Variants in SETD5 observed in about 807,000 individuals in gnomAD.
SETD5 encodes the protein histone-lysine N-methyltransferase SETD5.
A neutral mutation model predicts 153.3 loss-of-function variants in SETD5; 44 were observed. That is an observed-to-expected ratio of 0.29 (90% confidence interval 0.23 to 0.37). The LOEUF (loss-of-function observed/expected upper bound fraction) is 0.37, where lower values mean the gene tolerates loss of function less well. Ranked by LOEUF, SETD5 falls within the 10% of genes least tolerant of loss-of-function variation. SETD5 has a pLI of 1.00. For synonymous variants in SETD5, 716 were observed against 645.2 expected, an observed-to-expected ratio of 1.11 and a Z score of -1.66; for missense variants, 1,544 against 1,768.0, an observed-to-expected ratio of 0.87 and a Z score of 2.27.
At chr3:9,413,799 ACGGAGT>A (rs1261943455) in intron 1 of SETD5, among the ~76,000 whole-genome samples, 1 of 151,740 alleles carries the variant, frequency 6.6e-6, no homozygotes, top group Non-Finnish European at 1.5e-5. Context: ...TGTTTTTGAG[ACGGAGT>A]CTGGCTCTGT....
Position 9,470,712 on chromosome 3 carries a change from T to C in SETD5, c.2978T>C (p.Met993Thr), listed in dbSNP as rs1293866055. The C allele has an allele frequency of 6.2e-7, 1 of 1,613,910 alleles. No individual in the cohort carries two copies. Among genetic ancestry groups the C allele is most frequent in the Non-Finnish European group, 8.5e-7 (1 of 1,179,900 alleles). ...LMYAYSPLNA[M>T]PRADGLYRGS... is the part of the protein sequence containing the mutation. ...TATGCCTACTCCCCTTTGAATGCTA[T>C]GCCTCGAGCAGATGGACTGTATCGA... is the stretch of plus-strand genomic sequence containing the variant. The change falls in exon 19 of 23, where the codon ATG becomes ACG. Residue 993 changes from methionine (M) to threonine (T), a missense_variant. Met to Thr is a moderately conservative substitution (Grantham distance 81). Transcript: ENST00000402198.
intron 21 of SETD5, 46 bp from the exon 22 acceptor site, chr3:9,475,022 T>C (rs1312231107): frequency 3.3e-6 from 5 of 1,511,764 alleles, no homozygotes; most frequent in East Asian, 2.5e-5. Context: ...TTCTTACTTA[T>C]TCTAAGAAGC....
rs187959845 is a variant in SETD5 at position 9,454,564 on chromosome 3, G to C, written c.2476+696G>C. Among the ~76,000 whole-genome samples the C allele has an allele frequency of 1.6e-3, 202 of 124,020 alleles. 5 individuals carry two copies. In the East Asian group the frequency reaches 0.034, roughly 21 times the overall value. The allele number at this position is 124,020 out of a possible 152,430, so 81.4% of individuals were successfully genotyped here. A position where few individuals can be genotyped will look rare whatever the true frequency, so the allele number is the denominator to read the frequency against. ...TTGAACCCGGGAGGTGGAGGTTACA[G>C]TGAGCCAAGATCACGCCACTGCACT... is the stretch of plus-strand genomic sequence containing the variant. On this transcript the variant is annotated intron_variant, in intron 17 of 22. Coordinates refer to ENST00000402198, the MANE Select transcript of SETD5 (RefSeq NM_001080517.3).
intron 18 of SETD5, among the ~76,000 whole-genome samples, chr3:9,469,483 T>A (rs752456208): frequency 3.9e-5 from 6 of 152,234 alleles, no homozygotes; most frequent in Admixed American, 2.0e-4. Context: ...TACTAAGTTC[T>A]GAATCAGTAG....
At chr3:9,457,884 G>A (rs1328658895) in intron 17 of SETD5, among the ~76,000 whole-genome samples, 2 of 149,356 alleles carry the variant, frequency 1.3e-5, no homozygotes, top group Non-Finnish European at 3.0e-5. Flanking sequence ...CCTTGTTTTT[G>A]GAATTTGATT....
chr3:9,471,131 G>A (rs1348906104), intron 19 of SETD5, among the ~76,000 whole-genome samples: 2 of 152,200 alleles, frequency 1.3e-5, no homozygotes, highest in Non-Finnish European at 2.9e-5. Context: ...ATGCCTGTAT[G>A]TGCCATATAC....
Position 9,397,678 on chromosome 3 carries a change from C to CGCCGCCGCCGCT in SETD5, c.-468_-467insCGCTGCCGCCGC, listed in dbSNP as rs1553601495. 5.5e-6 allele frequency: 1 copy of CGCCGCCGCCGCT among 180,380 alleles called. No individual in the cohort carries two copies. The highest frequency in any genetic ancestry group is 1.1e-5 in the Non-Finnish European group (1 of 91,450). 11.2% of individuals were successfully genotyped at this position (180,380 alleles called of 1,614,324 possible). A position where few individuals can be genotyped will look rare whatever the true frequency, so the allele number is the denominator to read the frequency against. The stretch of plus-strand genomic sequence containing the variant: ...CCGCCGCCGCCGCCGCCGCCGCCGC[C>CGCCGCCGCCGCT]GCCGCCGCTGCCGGGGGAGGGGCGG... On this transcript the variant is annotated 5_prime_UTR_variant, in exon 1 of 23. Coordinates refer to ENST00000402198, the MANE Select transcript of SETD5 (RefSeq NM_001080517.3).
In SETD5 at chr3:9,429,008, G is replaced by C; in HGVS notation, c.70G>C (p.Asp24His). The C allele has an allele frequency of 6.2e-7, 1 of 1,611,612 alleles. No homozygotes were observed. Among genetic ancestry groups the C allele is most frequent in the Non-Finnish European group, 8.5e-7 (1 of 1,178,390 alleles). The part of the protein sequence containing the change: ...TSYSDMAAGS[D>H]PESVEASPAV... ...CTACTCAGATATGGCTGCTGGATCA[G>C]AGTAAGTGCTACTTTCTAGGTAGTA... Residue 24 changes from aspartate (D) to histidine (H), a missense_variant and splice_region_variant, in exon 3 of 23, where the codon GAC becomes CAC. Coordinates refer to ENST00000402198, the MANE Select transcript of SETD5 (RefSeq NM_001080517.3).
intron 18 of SETD5, chr3:9,468,722 G>A: frequency 1.9e-6 from 1 of 521,460 alleles, no homozygotes; most frequent in Non-Finnish European, 3.3e-6. Context: ...AGTTGAATGA[G>A]TCTTCCTGTG....
At chr3:9,416,863 A>G (rs774446004) in intron 1 of SETD5, among the ~76,000 whole-genome samples, 1 of 152,090 alleles carries the variant, frequency 6.6e-6, no homozygotes, top group African/African-American at 2.4e-5. Context: ...CCATGAATTG[A>G]TTGTTGATTA....
intron 17 of SETD5, among the ~76,000 whole-genome samples, chr3:9,455,152 C>G (rs2043072977): frequency 7.5e-6 from 1 of 133,010 alleles, no homozygotes; most frequent in Non-Finnish European, 1.6e-5. Flanking sequence ...CGTGAATTGC[C>G]TTTTTTTCTT....
At chr3:9,405,042 G>A (rs1332624323) in intron 1 of SETD5, among the ~76,000 whole-genome samples, 3 of 152,174 alleles carry the variant, frequency 2.0e-5, no homozygotes, top group Admixed American at 2.0e-4. Flanking sequence ...TATTATGCTA[G>A]GTTGTGGGCT....
Position 9,473,530 on chromosome 3 carries a change from A to C in SETD5, c.3490A>C (p.Ser1164Arg). 4 of 1,610,528 alleles carry C rather than the reference A, an allele frequency of 2.5e-6. No individual in the cohort carries two copies. Among genetic ancestry groups the C allele is most frequent in the Non-Finnish European group, 3.4e-6 (4 of 1,178,034 alleles). Residue 1164 changes from serine (S) to arginine (R), a missense_variant, in exon 20 of 23, where the codon AGT (serine) becomes CGT (arginine). By Grantham distance (110) the Ser-to-Arg change is moderately radical. Coordinates refer to ENST00000402198, the MANE Select transcript of SETD5 (RefSeq NM_001080517.3). Reference sequence around the variant, plus strand: ...CTGCAGACCTCAAGAGAATATCAGCAGTAGGTGGTAAGTTTATATTTGATG... The same window carrying C: ...CTGCAGACCTCAAGAGAATATCAGCCGTAGGTGGTAAGTTTATATTTGATG... The part of the protein sequence containing the change: ...SHCRPQENIS[S>R]RWMVPTSVER...
Position 9,428,828 on chromosome 3 carries a change from C to T in SETD5, c.-111C>T, listed in dbSNP as rs1326272882. The stretch of plus-strand genomic sequence containing the variant: ...ATTTTCCTTTTCTGTTACAGGATTC[C>T]TCATGTCCATAACATGTTGGATGAG... On this transcript the variant is annotated 5_prime_UTR_variant, in exon 3 of 23. Transcript: ENST00000402198. The T allele has an allele frequency of 8.9e-6, 5 of 560,254 alleles. No individual in the cohort carries two copies. The highest frequency in any genetic ancestry group is 1.6e-5 in the Non-Finnish European group (5 of 317,672). The allele number at this position is 560,254 out of a possible 1,614,324, so 34.7% of individuals were successfully genotyped here.
intron 13 of SETD5, among the ~76,000 whole-genome samples, chr3:9,445,965 GTTTTTTTTTTT>G (rs376821559): frequency 1.2e-5 from 1 of 86,476 alleles, no homozygotes; most frequent in Non-Finnish European, 2.3e-5. Context: ...TGAAGAGGTT[GTTTTTTTTTTT>G]TTTTTTTTTT....
intron 17 of SETD5, 129 bp downstream of exon 17, chr3:9,453,997 C>A: frequency 1.8e-6 from 2 of 1,102,176 alleles, no homozygotes; most frequent in Non-Finnish European, 1.2e-6. Context: ...TTACATCTGT[C>A]TTTACAGAGG....
At chr3:9,437,418 T>C (rs758882342) in intron 7 of SETD5, among the ~76,000 whole-genome samples, 1 of 152,138 alleles carries the variant, frequency 6.6e-6, no homozygotes, top group Non-Finnish European at 1.5e-5. Context: ...ACTTGGAGAA[T>C]AGAGCAAGTA....
At position 9,433,951 on chromosome 3, in the gene SETD5, G is replaced by T; in HGVS notation, c.177+1G>T. Reference sequence around the variant, plus strand: ...TGGGTGTCGAGGACTGCCTTATGCTGTGAGTATGCATTTGTTTCTCTCCAG... The same window carrying T: ...TGGGTGTCGAGGACTGCCTTATGCTTTGAGTATGCATTTGTTTCTCTCCAG... On this transcript the variant is annotated splice_donor_variant, in intron 4 of 22. Transcript: ENST00000402198. LOFTEE classifies it high-confidence loss of function. The T allele has an allele frequency of 6.2e-7, 1 of 1,613,792 alleles. No individual in the cohort carries two copies. The highest frequency in any genetic ancestry group is 8.5e-7 in the Non-Finnish European group (1 of 1,179,728).
intron 20 of SETD5, among the ~76,000 whole-genome samples, 177 bp downstream of exon 20, chr3:9,473,714 C>A (rs2045573505): frequency 1.3e-5 from 2 of 152,144 alleles, no homozygotes; most frequent in Admixed American, 1.3e-4. Context: ...CTGCAACCCC[C>A]CAGCTTTGCA....
Sources: gnomAD v4.1 joint callset for allele counts (sites outside exome capture counted in the v4.1 genomes callset) on GRCh38, gnomAD v4.1.1 for gene constraint, MANE v1.5 for transcripts, NCBI Gene and HGNC (gene_info 2026-07-23, HGNC 2026-07-21) for gene names.